Variants in NIBAN1 observed in about 807,000 individuals in gnomAD.
NIBAN1 encodes the protein niban apoptosis regulator 1.
A neutral mutation model predicts 75.1 loss-of-function variants in NIBAN1; 81 were observed. That is an observed-to-expected ratio of 1.08 (90% CI 0.90 to 1.30). The LOEUF (loss-of-function observed/expected upper bound fraction) is 1.30, where lower values mean the gene tolerates loss of function less well. NIBAN1 is among the 50% of genes most tolerant of loss of function. NIBAN1 has a pLI of 0.00. For missense variants in NIBAN1, 1,133 were observed against 1,128.1 expected, an observed-to-expected ratio of 1.00 and a Z score of -0.06; for synonymous variants, 436 against 424.8, an observed-to-expected ratio of 1.03 and a Z score of -0.32.
intron 1 of NIBAN1, among the ~76,000 whole-genome samples, chr1:184,903,359 CT>C (rs1248431761): frequency 6.6e-6 from 1 of 152,220 alleles, no homozygotes. Context: ...ATCACTGATG[CT>C]AAAAGAAGCC....
intron 5 of NIBAN1, among the ~76,000 whole-genome samples, chr1:184,857,173 G>A (rs983315899): frequency 6.6e-6 from 1 of 152,196 alleles, no homozygotes; most frequent in Non-Finnish European, 1.5e-5. Context: ...AAGGTGATGG[G>A]TTCTGGAGTC....
intron 12 of NIBAN1, among the ~76,000 whole-genome samples, chr1:184,799,198 C>A (rs998532864): frequency 1.3e-5 from 2 of 151,950 alleles, no homozygotes; most frequent in Non-Finnish European, 2.9e-5. Flanking sequence ...CCCTCTCCCC[C>A]CACCCCACAA....
intron 2 of NIBAN1, among the ~76,000 whole-genome samples, chr1:184,897,869 T>C (rs1656841136): frequency 6.6e-6 from 1 of 152,184 alleles, no homozygotes; most frequent in South Asian, 2.1e-4. Context: ...CTCACAACCA[T>C]GACCATCACC....
Position 184,884,718 on chromosome 1 carries a change from T to C in NIBAN1, c.516A>G (p.Arg172=). ...CCTCGTGGAAGCAGAAGTAGCCGTG[T>C]CTGAAGAAGGGCTGCCACAGGTACA... is the stretch of plus-strand genomic sequence containing the variant. ...FPVYLWQPFF[R]HGYFCFHEAA... The change falls in exon 5 of 14, where the codon AGA becomes AGG. Residue 172 remains arginine, a synonymous_variant. Coordinates refer to ENST00000367511, the MANE Select transcript of NIBAN1 (RefSeq NM_052966.4). 4 of 1,614,198 alleles carry C rather than the reference T, an allele frequency of 2.5e-6. No individual in the cohort carries two copies. Among genetic ancestry groups the C allele is most frequent in the Non-Finnish European group, 3.4e-6 (4 of 1,180,018 alleles).
At chr1:184,947,470 C>T (rs1470927873) in intron 1 of NIBAN1, among the ~76,000 whole-genome samples, 4 of 152,128 alleles carry the variant, frequency 2.6e-5, no homozygotes, top group Non-Finnish European at 5.9e-5. Context: ...ATAGTGGTGA[C>T]GGTTATACAA....
rs183786669 is a variant in NIBAN1 at position 184,869,284 on chromosome 1, G to A, written c.601+15349C>T. Among the ~76,000 whole-genome samples, 7 of 152,156 alleles carry A rather than the reference G, an allele frequency of 4.6e-5. No homozygotes were observed. The East Asian group carries it at 7.7e-4, about 17-fold the overall frequency. On this transcript the variant is annotated intron_variant, in intron 5 of 13. Transcript: ENST00000367511. ...AGATCATCCATGTACACCTACACAC[G>A]GTACAGCTTACCAGAGTGAGCTCTT...
intron 1 of NIBAN1, among the ~76,000 whole-genome samples, chr1:184,959,533 GCTT>G (rs1658576502): frequency 6.6e-6 from 1 of 152,072 alleles, no homozygotes. Flanking sequence ...ATATTTTCCT[GCTT>G]CTTCTTCTGC....
At chr1:184,813,698 A>C (rs1184700958) in intron 9 of NIBAN1, among the ~76,000 whole-genome samples, 2 of 152,230 alleles carry the variant, frequency 1.3e-5, no homozygotes, top group Non-Finnish European at 2.9e-5. Flanking sequence ...TTGTGAAATA[A>C]TTTATTAAAA....
chr1:184,853,395 C>T (rs543561), intron 5 of NIBAN1, among the ~76,000 whole-genome samples: 90,026 of 152,076 alleles, frequency 0.59, 27,003 homozygotes, highest in African/African-American at 0.68. Context: ...TCCTTGCTAA[C>T]AATGGATAAA....
intron 1 of NIBAN1, among the ~76,000 whole-genome samples, chr1:184,909,513 C>T (rs1190355455): frequency 6.6e-6 from 1 of 152,086 alleles, no homozygotes; most frequent in African/African-American, 2.4e-5. Flanking sequence ...ATGAACTTGG[C>T]TAGAAAATGG....
chr1:184,894,956 A>C (rs1202503656), intron 2 of NIBAN1, among the ~76,000 whole-genome samples: 1 of 152,160 alleles, frequency 6.6e-6, no homozygotes, highest in East Asian at 1.9e-4. Context: ...ATTATTTCAA[A>C]ATATACAAAT....
In NIBAN1 at chr1:184,872,629, C is replaced by T. The variant is rs561046551; in HGVS notation, c.601+12004G>A. On this transcript the variant is annotated intron_variant, in intron 5 of 13. Transcript: ENST00000367511. ...GGCTGAGACAGGAGAATCGCTTGAA[C>T]CCAGGAGGTGGAGGTTGCAGTAAGC... is the stretch of plus-strand genomic sequence containing the variant. Among the ~76,000 whole-genome samples the T allele has an allele frequency of 2.6e-5, 4 of 151,972 alleles. No individual in the cohort carries two copies. In the South Asian group the frequency reaches 8.3e-4, roughly 32 times the overall value.
At chr1:184,947,796 A>G (rs575767344) in intron 1 of NIBAN1, among the ~76,000 whole-genome samples, 1 of 152,354 alleles carries the variant, frequency 6.6e-6, no homozygotes, top group East Asian at 1.9e-4. Flanking sequence ...ACAATTCACT[A>G]ACAAAATAAC....
At chr1:184,803,392 G>A (rs1009291176) in intron 12 of NIBAN1, among the ~76,000 whole-genome samples, 193 bp downstream of exon 12, 1 of 152,238 alleles carries the variant, frequency 6.6e-6, no homozygotes, top group African/African-American at 2.4e-5. Context: ...TGCTACAACA[G>A]CAGAGCTGAA....
At chr1:184,904,610 C>T (rs145756527) in intron 1 of NIBAN1, among the ~76,000 whole-genome samples, 1 of 152,250 alleles carries the variant, frequency 6.6e-6, no homozygotes, top group Non-Finnish European at 1.5e-5. Context: ...TTTTCCCCAT[C>T]CCAACCACCA....
chr1:184,837,691 A>G (rs1016981176), intron 5 of NIBAN1, among the ~76,000 whole-genome samples: 1 of 152,148 alleles, frequency 6.6e-6, no homozygotes. Flanking sequence ...TTTAATGAAA[A>G]TAGTTCTTTC....
At chr1:184,885,738 AACT>A (rs1656508915) in intron 4 of NIBAN1, among the ~76,000 whole-genome samples, 1 of 152,128 alleles carries the variant, frequency 6.6e-6, no homozygotes, top group South Asian at 2.1e-4. Flanking sequence ...CCTGAAACCC[AACT>A]GCTGAAGCCA....
At chr1:184,863,346 TG>T (rs1369378203) in intron 5 of NIBAN1, among the ~76,000 whole-genome samples, 2 of 152,238 alleles carry the variant, frequency 1.3e-5, no homozygotes, top group Non-Finnish European at 2.9e-5. Context: ...TCTGATATTC[TG>T]GAAATGTTGT....
intron 1 of NIBAN1, among the ~76,000 whole-genome samples, chr1:184,905,312 T>A (rs1293082889): frequency 6.6e-6 from 1 of 152,182 alleles, no homozygotes; most frequent in Non-Finnish European, 1.5e-5. Context: ...TAAGACACTC[T>A]TTTGAAAGTC....
Sources: gnomAD v4.1 joint callset for allele counts (sites outside exome capture counted in the v4.1 genomes callset) on GRCh38, gnomAD v4.1.1 for gene constraint, MANE v1.5 for transcripts, NCBI Gene and HGNC (gene_info 2026-07-23, HGNC 2026-07-21) for gene names.